JAM2: variants seen among roughly 807,000 people sequenced by gnomAD.
The protein encoded by JAM2 is junctional adhesion molecule B.
Under a neutral mutation model 42.0 loss-of-function variants are expected in JAM2, and 17 were observed. That is an observed-to-expected ratio of 0.40 (90% CI 0.28 to 0.61). The LOEUF is 0.61. Among genes scored for constraint, JAM2 ranks in the 20% least tolerant of loss-of-function variants. The pLI is 0.37. For synonymous variants in JAM2, 118 were observed against 128.6 expected, an observed-to-expected ratio of 0.92 and a Z score of 0.56; for missense variants, 319 against 358.3, an observed-to-expected ratio of 0.89 and a Z score of 0.89.
At chr21:25,680,326 C>T (rs1487180926) in intron 1 of JAM2, among the ~76,000 whole-genome samples, 1 of 152,150 alleles carries the variant, frequency 6.6e-6, no homozygotes, top group African/African-American at 2.4e-5. Flanking sequence ...TCCCTGAGCA[C>T]TTTGTGGCAT....
intron 1 of JAM2, among the ~76,000 whole-genome samples, chr21:25,653,549 G>C (rs952380508): frequency 6.6e-6 from 1 of 152,194 alleles, no homozygotes; most frequent in Admixed American, 6.5e-5. Flanking sequence ...GGGAAGCAAG[G>C]CACCTTCTTC....
intron 1 of JAM2, among the ~76,000 whole-genome samples, chr21:25,682,859 A>G (rs1004330036): frequency 2.3e-4 from 35 of 151,754 alleles, no homozygotes; most frequent in African/African-American, 8.2e-4. Context: ...CCAGAGGCCG[A>G]ATACTTCTCT....
At chr21:25,706,633 G>A (rs2034275797) in intron 7 of JAM2, among the ~76,000 whole-genome samples, 1 of 152,252 alleles carries the variant, frequency 6.6e-6, no homozygotes, top group Admixed American at 6.5e-5. Context: ...ATTCCAGGGA[G>A]CACCACAGAA....
intron 1 of JAM2, among the ~76,000 whole-genome samples, chr21:25,676,307 AAAG>A (rs2033494313): frequency 7.0e-6 from 1 of 142,888 alleles, no homozygotes; most frequent in Non-Finnish European, 1.6e-5. Flanking sequence ...AAAAAAAGAA[AAAG>A]AAAAAAAAAA....
At chr21:25,688,372 G>C (rs1165692468) in intron 2 of JAM2, among the ~76,000 whole-genome samples, 1 of 152,138 alleles carries the variant, frequency 6.6e-6, no homozygotes, top group African/African-American at 2.4e-5. Context: ...TTAAGACACA[G>C]AAGACATGAG....
chr21:25,665,830 C>T (rs1363632834), intron 1 of JAM2, among the ~76,000 whole-genome samples: 2 of 151,992 alleles, frequency 1.3e-5, no homozygotes, highest in Non-Finnish European at 2.9e-5. Context: ...TACTTGAGGT[C>T]AGGAGTTCGA....
At chr21:25,693,362 A>G (rs1415987730) in intron 3 of JAM2, among the ~76,000 whole-genome samples, 1 of 151,914 alleles carries the variant, frequency 6.6e-6, no homozygotes, top group East Asian at 1.9e-4. Context: ...GGTTCAAGCA[A>G]TTCTCCTGCC....
At chr21:25,662,112 T>C (rs1011169036) in intron 1 of JAM2, among the ~76,000 whole-genome samples, 11 of 152,196 alleles carry the variant, frequency 7.2e-5, no homozygotes, top group Non-Finnish European at 1.5e-5. Flanking sequence ...TTATCAAAAA[T>C]GTCAACATAT....
chr21:25,701,929 A>C (rs2034174569), intron 5 of JAM2, among the ~76,000 whole-genome samples: 1 of 152,204 alleles, frequency 6.6e-6, no homozygotes, highest in Non-Finnish European at 1.5e-5. Flanking sequence ...ATGGTTAAAA[A>C]AAAAAAAAGG....
intron 1 of JAM2, among the ~76,000 whole-genome samples, chr21:25,647,365 A>AAGC (rs2123307056): frequency 6.6e-6 from 1 of 152,318 alleles, no homozygotes; most frequent in Non-Finnish European, 1.5e-5. Context: ...CAGTATATAT[A>AAGC]AGCATACTCT....
Position 25,683,936 on chromosome 21 carries a change from G to C in JAM2, c.121G>C (p.Val41Leu), listed in dbSNP as rs757326183. The stretch of plus-strand genomic sequence containing the variant: ...AAAAGACCAACAAGTAGTCACAGCA[G>C]TAGAGTACCAAGGTACAGTATCTTA... ...APKDQQVVTAVEYQEAILACK... is the reference protein window; with the variant it reads ...APKDQQVVTALEYQEAILACK... Residue 41 changes from valine (V) to leucine (L), a missense_variant, in exon 2 of 10, where the codon GTA becomes CTA. By Grantham distance (32) the Val-to-Leu change is conservative. Coordinates refer to ENST00000480456, the MANE Select transcript of JAM2 (RefSeq NM_021219.4). The C allele has an allele frequency of 6.2e-7, 1 of 1,604,720 alleles. No individual in the cohort carries two copies. The highest frequency in any genetic ancestry group is 8.5e-7 in the Non-Finnish European group (1 of 1,172,036).
At chr21:25,690,388 G>A (rs2033852745) in intron 3 of JAM2, among the ~76,000 whole-genome samples, 1 of 151,486 alleles carries the variant, frequency 6.6e-6, no homozygotes, top group Non-Finnish European at 1.5e-5. Context: ...GAGCACAGTG[G>A]TATGATCATG....
chr21:25,709,755 G>A lies in JAM2; in HGVS notation c.821+306G>A, dbSNP rs2034345131. The stretch of plus-strand genomic sequence containing the variant: ...AGGCCTCAGGAAGCTTTTTACTCAT[G>A]GCTGAAGGCAAAGCGGGAGCAGGCA... On this transcript the variant is annotated intron_variant, in intron 8 of 9. Coordinates refer to ENST00000480456, the MANE Select transcript of JAM2 (RefSeq NM_021219.4). The A allele has an allele frequency of 1.6e-5, 4 of 253,672 alleles. No individual in the cohort carries two copies. In the East Asian group the frequency reaches 2.7e-4, roughly 17 times the overall value. 15.7% of individuals were successfully genotyped at this position (253,672 alleles called of 1,614,324 possible).
At chr21:25,669,367 G>T (rs1420557942) in intron 1 of JAM2, among the ~76,000 whole-genome samples, 2 of 142,518 alleles carry the variant, frequency 1.4e-5, no homozygotes, top group African/African-American at 5.4e-5. Flanking sequence ...GTGAAACCCT[G>T]TCTCAAAAAA....
intron 1 of JAM2, among the ~76,000 whole-genome samples, chr21:25,667,538 G>A (rs2033254476): frequency 6.6e-6 from 1 of 152,152 alleles, no homozygotes; most frequent in Non-Finnish European, 1.5e-5. Flanking sequence ...ATCTTGTACT[G>A]TGCCTAACTT....
At chr21:25,692,442 C>A in intron 3 of JAM2, 1 of 203,098 alleles carries the variant, frequency 4.9e-6, no homozygotes, top group Non-Finnish European at 1.1e-5. Flanking sequence ...ACAGACAGGT[C>A]AGAGTTGTAT....
At chr21:25,687,654 C>T (rs1010108680) in intron 2 of JAM2, among the ~76,000 whole-genome samples, 5 of 152,268 alleles carry the variant, frequency 3.3e-5, no homozygotes, top group African/African-American at 1.2e-4. Context: ...GAAATTTATT[C>T]TCTCATGGTT....
chr21:25,646,396 T>C (rs1258114928), intron 1 of JAM2, among the ~76,000 whole-genome samples: 1 of 152,194 alleles, frequency 6.6e-6, no homozygotes. Context: ...TATACCTTCT[T>C]TCAATGTTAT....
intron 3 of JAM2, among the ~76,000 whole-genome samples, chr21:25,693,338 G>A (rs1241728008): frequency 2.0e-5 from 3 of 151,302 alleles, no homozygotes; most frequent in African/African-American, 7.3e-5. Flanking sequence ...GCTCACTGCA[G>A]CCTCCGCCTC....
Sources: allele counts gnomAD v4.1 joint callset (sites outside exome capture counted in the v4.1 genomes callset), GRCh38; gene constraint gnomAD v4.1.1; transcripts MANE v1.5; gene names NCBI Gene and HGNC (gene_info 2026-07-23, HGNC 2026-07-21).